TWF2: variants seen among roughly 807,000 people sequenced by gnomAD.
The protein encoded by TWF2 is twinfilin actin binding protein 2.
Under a neutral mutation model 45.1 loss-of-function variants are expected in TWF2, and 15 were observed. The ratio of observed to expected loss-of-function variants is 0.33; its 90% CI spans 0.22 to 0.51. TWF2 has a LOEUF of 0.51. Among genes scored for constraint, TWF2 ranks in the 20% least tolerant of loss-of-function variants. The pLI is 0.97. For missense variants in TWF2, 423 were observed against 469.1 expected (o/e 0.90, Z 0.91); for synonymous variants, 177 against 195.8 (o/e 0.90, Z 0.80).
Position 52,239,130 on chromosome 3 carries a change from G to A in TWF2, c.-114C>T, listed in dbSNP as rs1391636018. The A allele has an allele frequency of 5.2e-6, 7 of 1,342,346 alleles. No homozygotes were observed. Among genetic ancestry groups the A allele is most frequent in the African/African-American group, 3.0e-5 (2 of 66,516 alleles). 83.2% of individuals were successfully genotyped at this position (1,342,346 alleles called of 1,614,324 possible). ...TGTGGCGGAGGCTGTCGACCCTCGCGCAGCTTCCCGGGCGGTGCCGCAGGA... is the reference window on the plus strand; with the variant it reads ...TGTGGCGGAGGCTGTCGACCCTCGCACAGCTTCCCGGGCGGTGCCGCAGGA... On this transcript the variant is annotated 5_prime_UTR_variant, in exon 1 of 9. Coordinates refer to ENST00000305533, the MANE Select transcript of TWF2 (RefSeq NM_007284.4).
At chr3:52,231,650 C>T in intron 3 of TWF2, 111 bp from the exon 4 acceptor site, 4 of 1,254,216 alleles carry the variant, frequency 3.2e-6, no homozygotes, top group Non-Finnish European at 4.4e-6. Context: ...GCACACCTGG[C>T]AGAGGGCCAG....
In TWF2 at chr3:52,239,150, G is replaced by A. The variant is rs1699757644; in HGVS notation, c.-134C>T. ...CTCGCGCAGCTTCCCGGGCGGTGCC[G>A]CAGGACCCGCCCCCAGCGGCGCCCC... On this transcript the variant is annotated 5_prime_UTR_variant, in exon 1 of 9. Transcript: ENST00000305533. 7 of 1,203,630 alleles carry A rather than the reference G, an allele frequency of 5.8e-6. No individual in the cohort carries two copies. The highest frequency in any genetic ancestry group is 3.9e-5 in the Admixed American group (1 of 25,400). 74.6% of individuals were successfully genotyped at this position (1,203,630 alleles called of 1,614,324 possible).
At chr3:52,232,334 T>C in intron 2 of TWF2, 1 of 613,848 alleles carries the variant, frequency 1.6e-6, no homozygotes, top group Non-Finnish European at 2.8e-6. Flanking sequence ...GCTGCCCCCC[T>C]GCACATCCCC....
At chr3:52,232,487 G>T (rs1010839995) in intron 2 of TWF2, among the ~76,000 whole-genome samples, 19 of 152,096 alleles carry the variant, frequency 1.2e-4, no homozygotes, top group African/African-American at 4.1e-4. Context: ...CCGCACAGCT[G>T]CTCAGCCCAC....
chr3:52,229,119 G>A lies in TWF2; in HGVS notation c.965C>T (p.Ala322Val). 6.2e-7 allele frequency: 1 copy of A among 1,613,682 alleles called. No homozygotes were observed. Among genetic ancestry groups the A allele is most frequent in the Middle Eastern group, 1.7e-4 (1 of 5,790 alleles). Reference sequence around the variant, plus strand: ...CCCTGGGCCCTTGGGCTTGGCGAAGGCCTGCTTGAAGGCGTGTTGCTTGGG... The same window carrying A: ...CCCTGGGCCCTTGGGCTTGGCGAAGACCTGCTTGAAGGCGTGTTGCTTGGG... ...VHPKQHAFKQ[A>V]FAKPKGPGGK... is the part of the protein sequence containing the mutation. The change falls in exon 9 of 9, where the codon GCC (alanine) becomes GTC (valine). Residue 322 changes from alanine to valine, a missense_variant. Transcript: ENST00000305533.
rs1186062431 is a variant in TWF2 at position 52,229,517 on chromosome 3, G to A, written c.882+144C>T. The stretch of plus-strand genomic sequence containing the variant: ...TCAGCTGGGCAGCCTTGGGCCATGC[G>A]TGTTGCTCCTTGGGCCTCAGATGCC... On this transcript the variant is annotated intron_variant, in intron 8 of 8. Coordinates refer to ENST00000305533, the MANE Select transcript of TWF2 (RefSeq NM_007284.4). 9.4e-6 allele frequency: 13 copies of A among 1,382,474 alleles called. No individual in the cohort carries two copies. The African/African-American group carries it at 1.2e-4, about 12-fold the overall frequency. The allele number at this position is 1,382,474 out of a possible 1,614,324, so 85.6% of individuals were successfully genotyped here.
Position 52,228,832 on chromosome 3 carries a change from C to T in TWF2, c.*202G>A. Reference sequence around the variant, plus strand: ...GCAGGGTCCCCGGACACCCTGGGCACACAGACGAGATGCAGGGACAGCAAC... The same window carrying T: ...GCAGGGTCCCCGGACACCCTGGGCATACAGACGAGATGCAGGGACAGCAAC... On this transcript the variant is annotated 3_prime_UTR_variant, in exon 9 of 9. Coordinates refer to ENST00000305533, the MANE Select transcript of TWF2 (RefSeq NM_007284.4). 2 of 805,266 alleles carry T rather than the reference C, an allele frequency of 2.5e-6. No homozygotes were observed. The highest frequency in any genetic ancestry group is 1.9e-6 in the Non-Finnish European group (1 of 531,338). 49.9% of individuals were successfully genotyped at this position (805,266 alleles called of 1,614,324 possible).
chr3:52,230,843 G>A (rs375378648), intron 6 of TWF2, 27 bp downstream of exon 6: 5 of 1,607,078 alleles, frequency 3.1e-6, no homozygotes, highest in Non-Finnish European at 4.2e-6. Context: ...GTGGCAGCAT[G>A]TGCCAGGGTA....
At chr3:52,237,051 TATGATA>T (rs1699732334) in intron 1 of TWF2, among the ~76,000 whole-genome samples, 1 of 152,184 alleles carries the variant, frequency 6.6e-6, no homozygotes, top group East Asian at 1.9e-4. Flanking sequence ...AATCTTTTAT[TATGATA>T]ATAACAGCAA....
chr3:52,231,017 G>C, intron 5 of TWF2, 22 bp from the exon 6 acceptor site: 1 of 1,609,564 alleles, frequency 6.2e-7, no homozygotes, highest in Non-Finnish European at 8.5e-7. Flanking sequence ...GGAATGGTGA[G>C]GGAGGCCCTC....
chr3:52,238,824 C>T (rs1394578628), intron 1 of TWF2, among the ~76,000 whole-genome samples, 168 bp downstream of exon 1: 2 of 152,128 alleles, frequency 1.3e-5, no homozygotes, highest in East Asian at 3.9e-4. Flanking sequence ...ATGCACACCA[C>T]GTCCGTACTC....
chr3:52,231,297 C>A lies in TWF2; in HGVS notation c.379-66G>T, dbSNP rs931527762. 9 of 1,588,324 alleles carry A rather than the reference C, an allele frequency of 5.7e-6. 1 individual carries two copies. The South Asian group carries it at 8.9e-5, about 16-fold the overall frequency. Reference sequence around the variant, plus strand: ...CTGGGGATTGGCTAGAGGAGGCCCACGGAGCACGCCAGCTTGCAGCCCTTG... The same window carrying A: ...CTGGGGATTGGCTAGAGGAGGCCCAAGGAGCACGCCAGCTTGCAGCCCTTG... On this transcript the variant is annotated intron_variant, in intron 4 of 8. Transcript: ENST00000305533.
rs1044372141 is a variant in TWF2 at position 52,235,066 on chromosome 3, A to G, written c.66T>C (p.Ala22=). The G allele has an allele frequency of 1.2e-6, 2 of 1,614,012 alleles. No homozygotes were observed. The highest frequency in any genetic ancestry group is 1.7e-6 in the Non-Finnish European group (2 of 1,180,034). ...CAACCTTGATGAGCCGCACAGAGCC[A>G]GCCCGTGCCTTGGCAAAGAATTCCT... is the stretch of plus-strand genomic sequence containing the variant. ...ELKEFFAKAR[A]GSVRLIKVVI... is the part of the protein sequence containing the mutation. The change falls in exon 2 of 9, where the codon GCT becomes GCC. Residue 22 remains alanine (A), a synonymous_variant. Transcript: ENST00000305533.
At position 52,232,267 on chromosome 3, in the gene TWF2, G is replaced by C. The variant is rs564657362; in HGVS notation, c.104-145C>G. 11 of 1,057,740 alleles carry C rather than the reference G, an allele frequency of 1.0e-5. No individual in the cohort carries two copies. In the East Asian group the frequency reaches 2.7e-4, roughly 26 times the overall value. The allele number at this position is 1,057,740 out of a possible 1,614,324, so 65.5% of individuals were successfully genotyped here. On this transcript the variant is annotated intron_variant, in intron 2 of 8. Coordinates refer to ENST00000305533, the MANE Select transcript of TWF2 (RefSeq NM_007284.4). ...CCTGGAGCCCCCAGGTCCCAGAAGT[G>C]TGAGGCTGTGTGGCTGAATGAGTGA...
At chr3:52,232,209 C>T in intron 2 of TWF2, 87 bp from the exon 3 acceptor site, 1 of 1,429,406 alleles carries the variant, frequency 7.0e-7, no homozygotes, top group Non-Finnish European at 9.2e-7. Flanking sequence ...GGCTGCCCAG[C>T]TGGCTCAGAG....
At chr3:52,236,924 G>A (rs1462779298) in intron 1 of TWF2, among the ~76,000 whole-genome samples, 2 of 152,188 alleles carry the variant, frequency 1.3e-5, no homozygotes. Context: ...TGTGACTCCT[G>A]ACCTCTCTGA....
At chr3:52,232,150 G>T in intron 2 of TWF2, 28 bp from the exon 3 acceptor site, 3 of 1,494,906 alleles carry the variant, frequency 2.0e-6, no homozygotes, top group Non-Finnish European at 2.7e-6. Context: ...ATGAGCAGCC[G>T]CTCCCAGCTC....
intron 8 of TWF2, 26 bp from the exon 9 acceptor site, chr3:52,229,227 C>T: frequency 6.2e-7 from 1 of 1,605,648 alleles, no homozygotes; most frequent in African/African-American, 1.3e-5. Context: ...CAGTGGTCAC[C>T]CCAATGGGAG....
intron 1 of TWF2, 89 bp from the exon 2 acceptor site, chr3:52,235,195 G>T: frequency 7.4e-7 from 1 of 1,356,940 alleles, no homozygotes; most frequent in Non-Finnish European, 1.0e-6. Context: ...GGGTCTGGTG[G>T]CTGAGCTGGG....
Sources: allele counts gnomAD v4.1 joint callset (sites outside exome capture counted in the v4.1 genomes callset), GRCh38; gene constraint gnomAD v4.1.1; transcripts MANE v1.5; gene names NCBI Gene and HGNC (gene_info 2026-07-23, HGNC 2026-07-21).